Variants in DIS3 observed in about 807,000 individuals in gnomAD.
The protein encoded by DIS3 is DIS3 exosome endoribonuclease and 3'-5' exoribonuclease, also known as exosome complex exonuclease RRP44.
In DIS3, 103 loss-of-function variants were observed where a neutral mutation model predicts 113.0. The observed-to-expected ratio is 0.91, with a 90% CI of 0.78 to 1.07. The LOEUF is 1.07. Ranked by LOEUF, DIS3 falls within the 50% of genes least tolerant of loss-of-function variation. The pLI is 0.00. For synonymous variants in DIS3, 402 were observed against 394.3 expected (o/e 1.02, Z -0.23); for missense variants, 1,121 against 1,167.1 (o/e 0.96, Z 0.58).
chr13:72,775,160 TTAA>T (rs751034631), intron 6 of DIS3, 48 bp downstream of exon 6: 35 of 1,497,910 alleles, frequency 2.3e-5, no homozygotes, highest in East Asian at 2.4e-5. Flanking sequence ...AGCTGACATA[TTAA>T]TAATACAAAG....
At position 72,771,642 on chromosome 13, in the gene DIS3, A is replaced by C. The variant is rs1436009426; in HGVS notation, c.1605+153T>G. ...TTCCCCTTGACTTTCACAATACTTT[A>C]CTTGTTATTTGAACCACTCGATAAC... On this transcript the variant is annotated intron_variant, in intron 11 of 20. Coordinates refer to ENST00000377767, the MANE Select transcript of DIS3 (RefSeq NM_014953.5). Among the ~76,000 whole-genome samples the C allele has an allele frequency of 2.6e-5, 4 of 151,088 alleles. No homozygotes were observed. In the East Asian group the frequency reaches 8.7e-4, roughly 33 times the overall value.
At position 72,756,087 on chromosome 13, in the gene DIS3, G is replaced by A. The variant is rs2033461709; in HGVS notation, c.*3708C>T. 5.0e-6 allele frequency: 2 copies of A among 396,904 alleles called. No homozygotes were observed. Among genetic ancestry groups the A allele is most frequent in the South Asian group, 1.4e-4 (1 of 7,286 alleles). 24.6% of individuals were successfully genotyped at this position (396,904 alleles called of 1,614,324 possible). The stretch of plus-strand genomic sequence containing the variant: ...ACTTATATCCATGTTGGGAGTAGAT[G>A]GGTATATAACAGTTTGGAAATACTA... On this transcript the variant is annotated 3_prime_UTR_variant, in exon 21 of 21. Coordinates refer to ENST00000377767, the MANE Select transcript of DIS3 (RefSeq NM_014953.5).
At chr13:72,777,545 G>GA (rs1198128197) in intron 3 of DIS3, 52 bp from the exon 4 acceptor site, 8 of 1,472,748 alleles carry the variant, frequency 5.4e-6, no homozygotes, top group Non-Finnish European at 5.7e-6. Flanking sequence ...CCTTAGATAT[G>GA]AAAAAAATGG....
At chr13:72,781,469 C>T in intron 1 of DIS3, 136 bp downstream of exon 1, 1 of 1,445,690 alleles carries the variant, frequency 6.9e-7, no homozygotes, top group Admixed American at 2.6e-5. Context: ...GAACAGGAAG[C>T]TTCGGTCCCG....
At chr13:72,769,873 C>T (rs1389951840) in intron 13 of DIS3, among the ~76,000 whole-genome samples, 1 of 152,036 alleles carries the variant, frequency 6.6e-6, no homozygotes, top group African/African-American at 2.4e-5. Flanking sequence ...GAAAACAGAT[C>T]ATTAGAAGAT....
At chr13:72,780,221 G>A (rs937073146) in intron 2 of DIS3, among the ~76,000 whole-genome samples, 9 of 150,628 alleles carry the variant, frequency 6.0e-5, no homozygotes, top group African/African-American at 2.2e-4. Context: ...AGCTACTCAG[G>A]AGGCTGAGGC....
intron 19 of DIS3, 34 bp from the exon 20 acceptor site, chr13:72,760,685 T>C (rs773944481): frequency 2.5e-6 from 4 of 1,602,092 alleles, no homozygotes; most frequent in Non-Finnish European, 3.4e-6. Context: ...TCTTAATTGC[T>C]TCCTTACATT....
At chr13:72,760,398 T>A in intron 20 of DIS3, 131 bp downstream of exon 20, 1 of 1,085,212 alleles carries the variant, frequency 9.2e-7, no homozygotes, top group Non-Finnish European at 1.3e-6. Context: ...GGATTTGCTA[T>A]GCAAATATTT....
rs2033507272 is a variant in DIS3, at chr13:72,757,345, G to C, written c.*2450C>G. The C allele has an allele frequency of 6.6e-6, 1 of 151,074 alleles. No homozygotes were observed. The allele number at this position is 151,074 out of a possible 1,614,324, so 9.4% of individuals were successfully genotyped here. On this transcript the variant is annotated 3_prime_UTR_variant, in exon 21 of 21. Coordinates refer to ENST00000377767, the MANE Select transcript of DIS3 (RefSeq NM_014953.5). ...GCTCACTGCAACCTCTGCCTCCCAGGTTCAAGCGATTCTCCTGCCTCAGCC... is the reference window on the plus strand; with the variant it reads ...GCTCACTGCAACCTCTGCCTCCCAGCTTCAAGCGATTCTCCTGCCTCAGCC...
chr13:72,763,744 C>T (rs2033685517), intron 15 of DIS3, 137 bp from the exon 16 acceptor site: 4 of 823,910 alleles, frequency 4.9e-6, no homozygotes, highest in Non-Finnish European at 7.2e-6. Context: ...TGTGTGTGTA[C>T]ATTTGTATTT....
chr13:72,779,189 C>T (rs1049669802), intron 2 of DIS3, among the ~76,000 whole-genome samples: 2 of 150,766 alleles, frequency 1.3e-5, no homozygotes, highest in Non-Finnish European at 2.9e-5. Context: ...GGCATGATCT[C>T]AGCTTACTGC....
At chr13:72,775,102 C>A in intron 6 of DIS3, 109 bp downstream of exon 6, 3 of 1,233,188 alleles carry the variant, frequency 2.4e-6, no homozygotes, top group Admixed American at 2.8e-5. Flanking sequence ...ATATACAGAA[C>A]TATGATTTTA....
chr13:72,775,273 C>T lies in DIS3; in HGVS notation c.925G>A (p.Val309Ile), dbSNP rs752044123. 6.2e-7 allele frequency: 1 copy of T among 1,613,674 alleles called. No homozygotes were observed. The highest frequency in any genetic ancestry group is 8.5e-7 in the Non-Finnish European group (1 of 1,179,714). The stretch of plus-strand genomic sequence containing the variant: ...TCATTTTGACCTTCATCATGTAAAA[C>T]CACAGAAGATGGTGCTACCCACTGA... ...KSQWVAPSSV[V>I]LHDEGQNEED... The change falls in exon 6 of 21, where the codon GTT becomes ATT. Residue 309 changes from valine to isoleucine, a missense_variant. This residue lies in a region of DIS3 where 861 missense variants were observed against 915.5 expected (regional missense o/e 0.94). Transcript: ENST00000377767.
At chr13:72,770,159 G>C (rs1357839054) in intron 13 of DIS3, among the ~76,000 whole-genome samples, 2 of 152,120 alleles carry the variant, frequency 1.3e-5, no homozygotes. Context: ...GGGTTCTTGA[G>C]TTAGGGCATA....
chr13:72,753,947 T>C lies in DIS3; in HGVS notation c.*5848A>G. 3.1e-6 allele frequency: 3 copies of C among 958,968 alleles called. No homozygotes were observed. The highest frequency in any genetic ancestry group is 4.5e-6 in the Non-Finnish European group (3 of 660,178). 59.4% of individuals were successfully genotyped at this position (958,968 alleles called of 1,614,324 possible). A position where few individuals can be genotyped will look rare whatever the true frequency, so the allele number is the denominator to read the frequency against. On this transcript the variant is annotated 3_prime_UTR_variant, in exon 21 of 21. Transcript: ENST00000377767. ...TTAAAACACTAAAAGGTAAGCCTGTTTTCTTAACATCCAATAACCTTTAAA... is the reference window on the plus strand; with the variant it reads ...TTAAAACACTAAAAGGTAAGCCTGTCTTCTTAACATCCAATAACCTTTAAA...
intron 1 of DIS3, chr13:72,781,391 A>T: frequency 6.5e-7 from 1 of 1,540,658 alleles, no homozygotes; most frequent in Middle Eastern, 1.7e-4. Context: ...TTAGAAAAAT[A>T]ACGTGTCTGA....
At position 72,755,918 on chromosome 13, in the gene DIS3, C is replaced by G; in HGVS notation, c.*3877G>C. 1 of 398,404 alleles carries G rather than the reference C, an allele frequency of 2.5e-6. No individual in the cohort carries two copies. The highest frequency in any genetic ancestry group is 3.6e-5 in the East Asian group (1 of 28,068). 24.7% of individuals were successfully genotyped at this position (398,404 alleles called of 1,614,324 possible). ...GTAGGGACATCCTTTCCAGCTCAAA[C>G]GTGGGTAGGGATGTGGGAGAATAAG... On this transcript the variant is annotated 3_prime_UTR_variant, in exon 21 of 21. Transcript: ENST00000377767.
intron 20 of DIS3, 113 bp from the exon 21 acceptor site, chr13:72,759,991 G>A (rs2033585955): frequency 1.2e-6 from 1 of 817,620 alleles, no homozygotes; most frequent in East Asian, 2.5e-5. Flanking sequence ...GTAGTGGTAG[G>A]GAGGGGAAAG....
At chr13:72,766,211 A>G (rs1044143608) in intron 14 of DIS3, among the ~76,000 whole-genome samples, 153 bp from the exon 15 acceptor site, 1 of 152,188 alleles carries the variant, frequency 6.6e-6, no homozygotes, top group Non-Finnish European at 1.5e-5. Context: ...TTCATGTTCT[A>G]TTTTCATAAA....
Sources: gnomAD v4.1 joint callset for allele counts (sites outside exome capture counted in the v4.1 genomes callset) on GRCh38, gnomAD v4.1.1 for gene constraint, gnomAD v4.1.1 regional missense constraint, MANE v1.5 for transcripts, NCBI Gene and HGNC (gene_info 2026-07-23, HGNC 2026-07-21) for gene names.